LARP1B: variants seen among roughly 807,000 people sequenced by gnomAD.
LARP1B encodes the protein La ribonucleoprotein 1B.
Under a neutral mutation model 114.2 loss-of-function variants are expected in LARP1B, and 76 were observed. The ratio of observed to expected loss-of-function variants is 0.67; its 90% CI spans 0.55 to 0.81. The LOEUF (loss-of-function observed/expected upper bound fraction) is 0.81, where lower values mean the gene tolerates loss of function less well. Among genes scored for constraint, LARP1B ranks in the 30% least tolerant of loss-of-function variants. The pLI is 0.00. For missense variants in LARP1B, 1,014 were observed against 1,075.8 expected (o/e 0.94, Z 0.80); for synonymous variants, 345 against 348.0 (o/e 0.99, Z 0.10).
intron 5 of LARP1B, among the ~76,000 whole-genome samples, chr4:128,089,358 CAG>C (rs1327689490): frequency 6.6e-6 from 1 of 152,272 alleles, no homozygotes; most frequent in African/African-American, 2.4e-5. Context: ...TTTTTTGAGA[CAG>C]AATCTCACTC....
At chr4:128,189,261 C>CG (rs1691166890) in intron 15 of LARP1B, among the ~76,000 whole-genome samples, 1 of 57,590 alleles carries the variant, frequency 1.7e-5, no homozygotes, top group African/African-American at 5.6e-5. Context: ...CCTTCCGTGT[C>CG]CTTTTTTTTT....
chr4:128,143,012 C>A (rs896485621), intron 11 of LARP1B, among the ~76,000 whole-genome samples: 7 of 151,890 alleles, frequency 4.6e-5, no homozygotes, highest in African/African-American at 1.4e-4. Flanking sequence ...AGAGGCCAGG[C>A]ACGGTGGCTC....
rs964144358 is a variant in LARP1B at position 128,162,423 on chromosome 4, G to T, written c.1648+106G>T. The T allele has an allele frequency of 1.0e-5, 10 of 977,764 alleles. No individual in the cohort carries two copies. The African/African-American group carries it at 1.3e-4, about 13-fold the overall frequency. The allele number at this position is 977,764 out of a possible 1,614,324, so 60.6% of individuals were successfully genotyped here. ...TTCTTTATTTGTGGAAAATCATTAG[G>T]TAAATGGTAAAATGCTAGAATTTTA... is the stretch of plus-strand genomic sequence containing the variant. On this transcript the variant is annotated intron_variant, in intron 12 of 19. Coordinates refer to ENST00000326639, the MANE Select transcript of LARP1B (RefSeq NM_018078.4).
intron 11 of LARP1B, among the ~76,000 whole-genome samples, chr4:128,125,719 C>T (rs552508346): frequency 4.1e-4 from 63 of 152,238 alleles, no homozygotes; most frequent in South Asian, 1.9e-3. Flanking sequence ...GCATTCCAGC[C>T]TTGTGACAGA....
intron 4 of LARP1B, 51 bp from the exon 5 acceptor site, chr4:128,082,114 G>A: frequency 6.4e-7 from 1 of 1,553,094 alleles, no homozygotes; most frequent in Non-Finnish European, 8.8e-7. Context: ...AAATTGCAAG[G>A]GTTTAGTGAA....
At chr4:128,124,744 G>A (rs1479524023) in intron 11 of LARP1B, among the ~76,000 whole-genome samples, 1 of 152,184 alleles carries the variant, frequency 6.6e-6, no homozygotes, top group African/African-American at 2.4e-5. Context: ...CAAACAGGTG[G>A]CAGAGGAAAT....
intron 8 of LARP1B, 69 bp downstream of exon 8, chr4:128,098,399 A>G: frequency 1.5e-6 from 2 of 1,321,604 alleles, no homozygotes; most frequent in Non-Finnish European, 2.1e-6. Flanking sequence ...AACTTCTCTG[A>G]AAAACAGAGT....
intron 8 of LARP1B, among the ~76,000 whole-genome samples, chr4:128,105,018 C>T (rs538366427): frequency 4.1e-4 from 63 of 152,032 alleles, no homozygotes; most frequent in Non-Finnish European, 7.1e-4. Flanking sequence ...CAGTCTTTTT[C>T]CACAACTTTA....
intron 11 of LARP1B, among the ~76,000 whole-genome samples, chr4:128,126,153 T>A (rs7669406): frequency 4.6e-4 from 68 of 146,422 alleles, no homozygotes; most frequent in Non-Finnish European, 8.8e-4. Flanking sequence ...ATGGAGTCTC[T>A]CTCCGTCACC....
intron 11 of LARP1B, among the ~76,000 whole-genome samples, chr4:128,143,086 A>ACC (rs1728764533): frequency 6.6e-6 from 1 of 151,938 alleles, no homozygotes; most frequent in Non-Finnish European, 1.5e-5. Flanking sequence ...AGAGATTGAG[A>ACC]CCATCCTGGC....
At chr4:128,205,350 T>C (rs1757283979) in intron 17 of LARP1B, among the ~76,000 whole-genome samples, 2 of 152,206 alleles carry the variant, frequency 1.3e-5, no homozygotes, top group Admixed American at 6.5e-5. Flanking sequence ...GTTTTAATTG[T>C]GGTATCTTTT....
intron 11 of LARP1B, among the ~76,000 whole-genome samples, chr4:128,157,514 A>G (rs1561442147): frequency 6.6e-6 from 1 of 152,202 alleles, no homozygotes; most frequent in African/African-American, 2.4e-5. Context: ...AAAAACTTCA[A>G]AGAAGATAAA....
intron 12 of LARP1B, among the ~76,000 whole-genome samples, chr4:128,166,368 C>T (rs1740807612): frequency 6.6e-6 from 1 of 151,808 alleles, no homozygotes; most frequent in Non-Finnish European, 1.5e-5. Context: ...AAGTCACCAG[C>T]GTTTTCTCCT....
intron 15 of LARP1B, among the ~76,000 whole-genome samples, chr4:128,187,136 A>C (rs1351786778): frequency 6.6e-6 from 1 of 152,222 alleles, no homozygotes; most frequent in Non-Finnish European, 1.5e-5. Context: ...TGGATCCCTC[A>C]TACAGACTCC....
At chr4:128,220,637 T>A (rs1188434644) in intron 7 of LARP1B, among the ~76,000 whole-genome samples, 1 of 152,234 alleles carries the variant, frequency 6.6e-6, no homozygotes, top group Admixed American at 6.5e-5. Context: ...CATTAAGACT[T>A]GTGTATAGTT....
intron 12 of LARP1B, among the ~76,000 whole-genome samples, chr4:128,166,266 A>G (rs1420826642): frequency 1.3e-5 from 2 of 151,844 alleles, no homozygotes; most frequent in Non-Finnish European, 2.9e-5. Context: ...TAAATTCCGT[A>G]TCTTATTTAT....
chr4:128,178,400 T>G, intron 13 of LARP1B, 31 bp from the exon 14 acceptor site: 1 of 1,474,118 alleles, frequency 6.8e-7, no homozygotes, highest in East Asian at 2.3e-5. Flanking sequence ...TCCTAGCATC[T>G]AAATAATTTT....
chr4:128,083,559 T>C (rs1771605497), intron 5 of LARP1B, among the ~76,000 whole-genome samples: 1 of 141,152 alleles, frequency 7.1e-6, no homozygotes, highest in Admixed American at 6.9e-5. Context: ...ACGGGGCGGC[T>C]GGCGGGCAGG....
chr4:128,192,166 A>G (rs536804594), intron 15 of LARP1B, among the ~76,000 whole-genome samples: 3 of 152,264 alleles, frequency 2.0e-5, no homozygotes, highest in Admixed American at 6.5e-5. Context: ...AAATTAAGGT[A>G]TGTACTTTTT....
Sources: allele counts gnomAD v4.1 joint callset (sites outside exome capture counted in the v4.1 genomes callset), GRCh38; gene constraint gnomAD v4.1.1; transcripts MANE v1.5; gene names NCBI Gene and HGNC (gene_info 2026-07-23, HGNC 2026-07-21).